Variants in SLC4A10 observed in about 807,000 individuals in gnomAD.
SLC4A10 encodes the protein solute carrier family 4 member 10, also known as sodium-driven chloride bicarbonate exchanger.
Under a neutral mutation model 137.7 loss-of-function variants are expected in SLC4A10, and 42 were observed. The ratio of observed to expected loss-of-function variants is 0.30; its 90% CI spans 0.24 to 0.39. The LOEUF (loss-of-function observed/expected upper bound fraction) is 0.39, where lower values mean the gene tolerates loss of function less well. SLC4A10 is among the 10% of genes least tolerant of loss of function. SLC4A10 has a pLI of 1.00. For missense variants in SLC4A10, 925 were observed against 1,355.0 expected (o/e 0.68, Z 4.98); for synonymous variants, 474 against 464.1 (o/e 1.02, Z -0.27).
At chr2:161,929,803 T>G (rs1461655933) in intron 15 of SLC4A10, among the ~76,000 whole-genome samples, 2 of 152,214 alleles carry the variant, frequency 1.3e-5, no homozygotes, top group African/African-American at 4.8e-5. Flanking sequence ...AACCTGAGCC[T>G]TAAGAGATTT....
chr2:161,683,620 T>G (rs1012065119), intron 1 of SLC4A10, among the ~76,000 whole-genome samples: 1 of 152,194 alleles, frequency 6.6e-6, no homozygotes, highest in Non-Finnish European at 1.5e-5. Context: ...GGTTTTAAAA[T>G]CTCTAGCCAA....
At chr2:161,859,621 G>A (rs1457020359) in intron 5 of SLC4A10, among the ~76,000 whole-genome samples, 2 of 76,328 alleles carry the variant, frequency 2.6e-5, no homozygotes, top group Non-Finnish European at 5.1e-5. Flanking sequence ...TTTTTTTTGA[G>A]GCGGAGTCTT....
intron 1 of SLC4A10, among the ~76,000 whole-genome samples, chr2:161,768,521 A>T (rs765712416): frequency 1.3e-5 from 2 of 152,008 alleles, no homozygotes; most frequent in Non-Finnish European, 2.9e-5. Context: ...TTCATTCAAG[A>T]GGTTCTGGGT....
At chr2:161,851,075 T>C (rs976643970) in intron 4 of SLC4A10, among the ~76,000 whole-genome samples, 13 of 152,196 alleles carry the variant, frequency 8.5e-5, no homozygotes, top group Non-Finnish European at 1.8e-4. Context: ...TCTGAGAGCA[T>C]GTTTGGTATG....
chr2:161,695,088 A>G (rs1302546739), intron 1 of SLC4A10, among the ~76,000 whole-genome samples: 1 of 152,064 alleles, frequency 6.6e-6, no homozygotes, highest in African/African-American at 2.4e-5. Flanking sequence ...CTCCAAAGAT[A>G]TTTGGAGTTC....
intron 1 of SLC4A10, among the ~76,000 whole-genome samples, chr2:161,688,516 G>C (rs527646319): frequency 2.0e-5 from 3 of 152,058 alleles, no homozygotes; most frequent in Non-Finnish European, 4.4e-5. Flanking sequence ...ATTATTTCAC[G>C]TGTTTGTTCT....
chr2:161,698,513 T>C lies in SLC4A10; in HGVS notation c.49-72460T>C, dbSNP rs545376013. On this transcript the variant is annotated intron_variant, in intron 1 of 26. Coordinates refer to ENST00000446997, the MANE Select transcript of SLC4A10 (RefSeq NM_001178015.2). ...CCTAATTTATTGAGAGTTTTTAGCA[T>C]GAATGGTTGTTGAATTTTGTCAAAG... 1.6e-3 allele frequency among the ~76,000 whole-genome samples: 244 copies of C among 152,330 alleles called. 4 individuals carry two copies. The highest frequency in any genetic ancestry group is 8.7e-4 in the Non-Finnish European group (59 of 68,022).
At chr2:161,699,271 C>T (rs543886239) in intron 1 of SLC4A10, among the ~76,000 whole-genome samples, 6 of 152,116 alleles carry the variant, frequency 3.9e-5, no homozygotes, top group African/African-American at 4.8e-5. Context: ...CTGTCGGCCT[C>T]GGCCTCCCAA....
intron 1 of SLC4A10, among the ~76,000 whole-genome samples, chr2:161,744,941 T>G (rs1344564713): frequency 6.6e-6 from 1 of 152,216 alleles, no homozygotes; most frequent in Non-Finnish European, 1.5e-5. Context: ...GTTTTGTACC[T>G]TTAGGTGATT....
chr2:161,967,334 G>T (rs1697775690), intron 23 of SLC4A10, among the ~76,000 whole-genome samples: 2 of 152,156 alleles, frequency 1.3e-5, no homozygotes, highest in Non-Finnish European at 2.9e-5. Flanking sequence ...ACCCTGAGCT[G>T]CCAAGATAGG....
chr2:161,817,111 T>C (rs1299845909), intron 3 of SLC4A10, among the ~76,000 whole-genome samples: 1 of 152,182 alleles, frequency 6.6e-6, no homozygotes, highest in Non-Finnish European at 1.5e-5. Flanking sequence ...GTAAAAGTGT[T>C]CCTATTTCTC....
chr2:161,817,528 T>C (rs1053085858), intron 3 of SLC4A10, among the ~76,000 whole-genome samples: 2 of 152,188 alleles, frequency 1.3e-5, no homozygotes, highest in African/African-American at 4.8e-5. Context: ...CCATTGCTTT[T>C]GGTGTTTTAG....
chr2:161,712,519 G>A (rs1003307926), intron 1 of SLC4A10, among the ~76,000 whole-genome samples: 2 of 151,674 alleles, frequency 1.3e-5, no homozygotes, highest in Non-Finnish European at 2.9e-5. Context: ...AACACAACTT[G>A]TTTTTAATAA....
intron 16 of SLC4A10, 104 bp downstream of exon 16, chr2:161,943,001 A>G (rs750610625): frequency 2.7e-6 from 2 of 744,346 alleles, no homozygotes; most frequent in South Asian, 3.4e-5. Context: ...ATAATATAAA[A>G]CTAATAGTTG....
At chr2:161,811,722 C>T (rs1437880786) in intron 3 of SLC4A10, among the ~76,000 whole-genome samples, 1 of 152,006 alleles carries the variant, frequency 6.6e-6, no homozygotes, top group Non-Finnish European at 1.5e-5. Context: ...TTACTTTCTT[C>T]CTGTTAAAAA....
intron 1 of SLC4A10, among the ~76,000 whole-genome samples, chr2:161,661,249 C>T (rs1263338505): frequency 7.2e-5 from 11 of 151,914 alleles, no homozygotes; most frequent in African/African-American, 2.7e-4. Context: ...CTGAGGTGGG[C>T]GAATCACAAG....
intron 3 of SLC4A10, among the ~76,000 whole-genome samples, chr2:161,818,456 G>T (rs151177434): frequency 0.022 from 3,344 of 152,146 alleles, 124 homozygotes; most frequent in African/African-American, 0.075. Context: ...TTTCCTAATT[G>T]AATGCCCTTT....
At chr2:161,686,016 G>T (rs1353803954) in intron 1 of SLC4A10, among the ~76,000 whole-genome samples, 1 of 152,132 alleles carries the variant, frequency 6.6e-6, no homozygotes, top group Non-Finnish European at 1.5e-5. Flanking sequence ...AAAGGAGTTA[G>T]CCCCCAACAG....
chr2:161,850,374 A>G (rs1287479794), intron 4 of SLC4A10, among the ~76,000 whole-genome samples: 1 of 152,174 alleles, frequency 6.6e-6, no homozygotes, highest in African/African-American at 2.4e-5. Context: ...TGGGTGACAG[A>G]GCAAGACTCT....
Sources: gnomAD v4.1 joint callset for allele counts (sites outside exome capture counted in the v4.1 genomes callset) on GRCh38, gnomAD v4.1.1 for gene constraint, MANE v1.5 for transcripts, NCBI Gene and HGNC (gene_info 2026-07-23, HGNC 2026-07-21) for gene names.